PCBP2: variants seen among roughly 807,000 people sequenced by gnomAD.
The protein encoded by PCBP2 is poly(rC) binding protein 2.
A neutral mutation model predicts 50.1 loss-of-function variants in PCBP2; 4 were observed. The observed-to-expected ratio is 0.08, with a 90% CI of 0.04 to 0.18. The LOEUF is 0.18. Among genes scored for constraint, PCBP2 ranks in the 10% least tolerant of loss-of-function variants. The pLI is 1.00. For missense variants in PCBP2, 161 were observed against 474.3 expected (o/e 0.34, Z 6.14); for synonymous variants, 179 against 168.0 (o/e 1.07, Z -0.51).
At position 53,460,800 on chromosome 12, in the gene PCBP2, C is replaced by T. The variant is rs1370299708; in HGVS notation, c.376-215C>T. ...TAGGTTAAATTTAGGCTGTTATTCA[C>T]GCTTATTCTTGTCTTTCAGTGGCTA... On this transcript the variant is annotated intron_variant, in intron 6 of 14. Coordinates refer to ENST00000546463, the MANE Select transcript of PCBP2 (RefSeq NM_031989.5). The T allele has an allele frequency of 1.6e-5, 7 of 446,472 alleles. No individual in the cohort carries two copies. In the East Asian group the frequency reaches 1.8e-4, roughly 11 times the overall value. The allele number at this position is 446,472 out of a possible 1,614,324, so 27.7% of individuals were successfully genotyped here.
At chr12:53,479,336 T>C (rs1011660202) in intron 14 of PCBP2, 70 bp from the exon 15 acceptor site, 77 of 1,352,188 alleles carry the variant, frequency 5.7e-5, no homozygotes, top group Non-Finnish European at 8.1e-5. Flanking sequence ...TCACATTTCA[T>C]GAACCAGGTA....
In PCBP2 at chr12:53,479,671, G is replaced by GTTTTTTTTTTTTTTTGT. The variant is rs879244280; in HGVS notation, c.*241_*242insTTTGTTTTTTTTTTTTT. 0.04 allele frequency: 8,197 copies of GTTTTTTTTTTTTTTTGT among 205,770 alleles called. 174 individuals carry two copies. Among genetic ancestry groups the GTTTTTTTTTTTTTTTGT allele is most frequent in the Non-Finnish European group, 0.058 (6,291 of 108,184 alleles). 12.7% of individuals were successfully genotyped at this position (205,770 alleles called of 1,614,324 possible). On this transcript the variant is annotated 3_prime_UTR_variant, in exon 15 of 15. Coordinates refer to ENST00000546463, the MANE Select transcript of PCBP2 (RefSeq NM_031989.5). ...ATTTAGTTTTATAAGCTTCTCCCTG[G>GTTTTTTTTTTTTTTTGT]TTTTTTTTTTTTGGCTCATGAATTT...
At position 53,466,110 on chromosome 12, in the gene PCBP2, A is replaced by C. The variant is rs900296586; in HGVS notation, c.714+137A>C. Reference sequence around the variant, plus strand: ...ATTAAGTTGTTTTCTTCACAAGGTCAATCCCATATTTTAGCCCTTTAATCA... The same window carrying C: ...ATTAAGTTGTTTTCTTCACAAGGTCCATCCCATATTTTAGCCCTTTAATCA... On this transcript the variant is annotated intron_variant, in intron 10 of 14. Transcript: ENST00000546463. 7 of 753,166 alleles carry C rather than the reference A, an allele frequency of 9.3e-6. No individual in the cohort carries two copies. The African/African-American group carries it at 1.2e-4, about 13-fold the overall frequency. 46.7% of individuals were successfully genotyped at this position (753,166 alleles called of 1,614,324 possible).
In PCBP2 at chr12:53,479,993, T is replaced by C. The variant is rs1486545026; in HGVS notation, c.*551T>C. The C allele has an allele frequency of 6.6e-6, 1 of 152,214 alleles. No individual in the cohort carries two copies. Among genetic ancestry groups the C allele is most frequent in the East Asian group, 1.9e-4 (1 of 5,188 alleles). The allele number at this position is 152,214 out of a possible 1,614,324, so 9.4% of individuals were successfully genotyped here. ...TTTTTGTGGCCCTCGATCCTATTTT[T>C]CCCTGACTCCATGCTTGGTTGGCCC... On this transcript the variant is annotated 3_prime_UTR_variant, in exon 15 of 15. Transcript: ENST00000546463.
intron 14 of PCBP2, chr12:53,475,691 G>C (rs1374088274): frequency 6.6e-6 from 1 of 152,558 alleles, no homozygotes; most frequent in Admixed American, 6.5e-5. Context: ...AGGGTTGGGG[G>C]CTTGTGACTT....
At chr12:53,469,828 G>A (rs1268070149) in intron 13 of PCBP2, among the ~76,000 whole-genome samples, 3 of 135,286 alleles carry the variant, frequency 2.2e-5, no homozygotes, top group East Asian at 2.1e-4. Flanking sequence ...TGTGACCTCC[G>A]TCTCCTGGGT....
chr12:53,478,559 A>T (rs1400398245), intron 14 of PCBP2, among the ~76,000 whole-genome samples: 1 of 151,890 alleles, frequency 6.6e-6, no homozygotes. Context: ...ATCCCAGCAC[A>T]TTGGGAGGCA....
At chr12:53,461,969 A>G (rs75094421) in intron 7 of PCBP2, among the ~76,000 whole-genome samples, 3 of 152,076 alleles carry the variant, frequency 2.0e-5, no homozygotes, top group African/African-American at 7.2e-5. Flanking sequence ...TCAGCCTTCC[A>G]AAGTACTGGT....
intron 7 of PCBP2, among the ~76,000 whole-genome samples, chr12:53,462,188 C>T (rs957788689): frequency 1.3e-5 from 2 of 152,138 alleles, no homozygotes; most frequent in African/African-American, 2.4e-5. Context: ...CAAAAATATA[C>T]GTTTAACAGT....
intron 14 of PCBP2, among the ~76,000 whole-genome samples, chr12:53,472,680 TC>T (rs1401670131): frequency 6.6e-6 from 1 of 152,208 alleles, no homozygotes; most frequent in East Asian, 1.9e-4. Flanking sequence ...TTACATGAGT[TC>T]CTGAATCTAG....
intron 14 of PCBP2, among the ~76,000 whole-genome samples, chr12:53,476,852 C>G (rs1942617000): frequency 6.6e-6 from 1 of 152,154 alleles, no homozygotes; most frequent in Non-Finnish European, 1.5e-5. Context: ...CCTTGGTAAG[C>G]TTGCTCCTCC....
At chr12:53,454,696 C>A in intron 1 of PCBP2, 30 bp from the exon 2 acceptor site, 1 of 767,106 alleles carries the variant, frequency 1.3e-6, no homozygotes. Flanking sequence ...TTGTTTTCCT[C>A]CTCTGATTTT....
intron 14 of PCBP2, 117 bp downstream of exon 14, chr12:53,471,924 G>GTTT (rs377649740): frequency 2.7e-4 from 117 of 436,968 alleles, no homozygotes; most frequent in South Asian, 4.7e-4. Flanking sequence ...TGGCCAAAAG[G>GTTT]TTTTTTTTTT....
Position 53,479,865 on chromosome 12 carries a change from G to A in PCBP2, c.*423G>A, listed in dbSNP as rs1372524153. The stretch of plus-strand genomic sequence containing the variant: ...TGGGTTTTATTCCTCTTGTCTTGCT[G>A]TTATTTTTGTACCTTTTATCCCTCA... On this transcript the variant is annotated 3_prime_UTR_variant, in exon 15 of 15. Coordinates refer to ENST00000546463, the MANE Select transcript of PCBP2 (RefSeq NM_031989.5). 1 of 154,332 alleles carries A rather than the reference G, an allele frequency of 6.5e-6. No homozygotes were observed. Among genetic ancestry groups the A allele is most frequent in the Non-Finnish European group, 1.4e-5 (1 of 69,636 alleles). 9.6% of individuals were successfully genotyped at this position (154,332 alleles called of 1,614,324 possible).
intron 9 of PCBP2, 32 bp downstream of exon 9, chr12:53,464,884 C>T (rs917032417): frequency 1.0e-5 from 16 of 1,568,062 alleles, no homozygotes; most frequent in Non-Finnish European, 1.4e-5. Flanking sequence ...CCAAGGCTCA[C>T]TCAATCCTTC....
In PCBP2 at chr12:53,455,264, T is replaced by G. The variant is rs1940914386; in HGVS notation, c.70-83T>G. 3.0e-6 allele frequency: 4 copies of G among 1,325,150 alleles called. No individual in the cohort carries two copies. The Admixed American group carries it at 8.4e-5, about 28-fold the overall frequency. 82.1% of individuals were successfully genotyped at this position (1,325,150 alleles called of 1,614,324 possible). On this transcript the variant is annotated intron_variant, in intron 2 of 14. Transcript: ENST00000546463. The stretch of plus-strand genomic sequence containing the variant: ...ATAATGAATACTTCATTAGAACATG[T>G]AGAAAAAGGAAAAATAAAATATATT...
chr12:53,454,659 A>T, intron 1 of PCBP2, 67 bp from the exon 2 acceptor site: 1 of 664,398 alleles, frequency 1.5e-6, no homozygotes, highest in South Asian at 1.8e-5. Context: ...TGATAAGGTG[A>T]AAATAACTTG....
At chr12:53,477,665 C>CAAAAAAAAAAAAAAAAAAAAAA (rs61213286) in intron 14 of PCBP2, among the ~76,000 whole-genome samples, 1 of 52,886 alleles carries the variant, frequency 1.9e-5, no homozygotes, top group South Asian at 8.5e-4. Context: ...GACTCTGTCT[C>CAAAAAAAAAAAAAAAAAAAAAA]AAAAAAAAAA....
At chr12:53,455,845 TC>T (rs1359832843) in intron 4 of PCBP2, 39 bp from the exon 5 acceptor site, 2 of 1,348,312 alleles carry the variant, frequency 1.5e-6, no homozygotes, top group Non-Finnish European at 2.1e-6. Context: ...ACTCAGATCT[TC>T]TTTGTTTTAA....
Sources: allele counts gnomAD v4.1 joint callset (sites outside exome capture counted in the v4.1 genomes callset), GRCh38; gene constraint gnomAD v4.1.1; transcripts MANE v1.5; gene names NCBI Gene and HGNC (gene_info 2026-07-23, HGNC 2026-07-21).